Variants in CTH observed in about 807,000 individuals in gnomAD.
CTH encodes the protein cystathionase (cystathionine gamma-lyase).
A neutral mutation model predicts 50.6 loss-of-function variants in CTH; 41 were observed. The observed-to-expected ratio is 0.81, with a 90% CI of 0.63 to 1.05. CTH has a LOEUF of 1.05. CTH is among the 50% of genes least tolerant of loss of function. The pLI is 0.00. For synonymous variants in CTH, 156 were observed against 168.9 expected (o/e 0.92, Z 0.59); for missense variants, 470 against 492.6 (o/e 0.95, Z 0.43).
intron 1 of CTH, among the ~76,000 whole-genome samples, chr1:70,414,446 A>T (rs1214483216): frequency 6.6e-6 from 1 of 151,812 alleles, no homozygotes. Context: ...CGGGAGGTGG[A>T]GGTTGCGCCA....
chr1:70,438,996 T>G (rs1046187746), intron 11 of CTH, 105 bp from the exon 12 acceptor site: 8 of 1,533,332 alleles, frequency 5.2e-6, no homozygotes, highest in Admixed American at 1.7e-5. Context: ...TCAGTCAAAG[T>G]GCATATTTAA....
rs902137146 is a variant in CTH at position 70,429,921 on chromosome 1, CCTTTT to C, written c.646+75_646+79del. ...ATTGCATAGGGCTTGGCTTTTGATC[CCTTTT>C]CTTTGATTATTTTGTAGATTATTTC... On this transcript the variant is annotated intron_variant, in intron 6 of 11. Transcript: ENST00000370938. 8 of 1,089,472 alleles carry C rather than the reference CCTTTT, an allele frequency of 7.3e-6. No homozygotes were observed. In the African/African-American group the frequency reaches 9.3e-5, roughly 13 times the overall value. The allele number at this position is 1,089,472 out of a possible 1,614,324, so 67.5% of individuals were successfully genotyped here. A position where few individuals can be genotyped will look rare whatever the true frequency, so the allele number is the denominator to read the frequency against.
chr1:70,411,348 C>T lies in CTH; in HGVS notation c.-68C>T, dbSNP rs1227847992. ...CTGATCCTTCTGTCTCTCCCAACCC[C>T]GGACACCCGGCTTCGACTGGTTATA... On this transcript the variant is annotated 5_prime_UTR_variant, in exon 1 of 12. Transcript: ENST00000370938. 4 of 1,557,334 alleles carry T rather than the reference C, an allele frequency of 2.6e-6. No individual in the cohort carries two copies. Among genetic ancestry groups the T allele is most frequent in the Non-Finnish European group, 3.5e-6 (4 of 1,128,594 alleles).
intron 1 of CTH, among the ~76,000 whole-genome samples, chr1:70,415,060 GT>G (rs1684061249): frequency 6.6e-6 from 1 of 152,156 alleles, no homozygotes; most frequent in African/African-American, 2.4e-5. Context: ...GTGAATGAAT[GT>G]TGAGCATTGG....
intron 4 of CTH, among the ~76,000 whole-genome samples, chr1:70,422,804 GTT>G (rs1442833517): frequency 3.9e-5 from 6 of 152,018 alleles, no homozygotes; most frequent in African/African-American, 1.4e-4. Flanking sequence ...TAGAGATGGG[GTT>G]TCACCTTGTT....
chr1:70,427,634 T>A (rs1347187852), intron 5 of CTH, among the ~76,000 whole-genome samples: 4 of 152,106 alleles, frequency 2.6e-5, no homozygotes, highest in Non-Finnish European at 4.4e-5. Context: ...ACTAAACAGC[T>A]CTAATGAGGG....
rs1553128274 is a variant in CTH, at chr1:70,438,839, A to AC, written c.1191+13_1191+14insC. 2 of 1,316,716 alleles carry AC rather than the reference A, an allele frequency of 1.5e-6. No individual in the cohort carries two copies. The highest frequency in any genetic ancestry group is 2.1e-4 in the Middle Eastern group (1 of 4,786). 81.6% of individuals were successfully genotyped at this position (1,316,716 alleles called of 1,614,324 possible). Reference sequence around the variant, plus strand: ...TTTGAAGGCAGCAGTAAGTCTTATTATTGTGTGTGTGTGTGTGTGTGTGTG... The same window carrying AC: ...TTTGAAGGCAGCAGTAAGTCTTATTACTTGTGTGTGTGTGTGTGTGTGTGTG... On this transcript the variant is annotated intron_variant, in intron 11 of 11. Coordinates refer to ENST00000370938, the MANE Select transcript of CTH (RefSeq NM_001902.6).
At chr1:70,438,974 C>T (rs915802860) in intron 11 of CTH, 127 bp from the exon 12 acceptor site, 75 of 1,559,770 alleles carry the variant, frequency 4.8e-5, no homozygotes, top group African/African-American at 2.0e-4. Context: ...TATAAATAAA[C>T]GTATAGGGAG....
Position 70,424,325 on chromosome 1 carries a change from T to C in CTH, c.497T>C (p.Val166Ala), listed in dbSNP as rs763861112. ...ACCCCCACAAACCCCACCCAGAAGG[T>C]GATTGACATTGAAGGCTGTGCACAT... The part of the protein sequence containing the change: ...IETPTNPTQK[V>A]IDIEGCAHIV... The change falls in exon 5 of 12, where the codon GTG (valine) becomes GCG (alanine). Residue 166 changes from valine to alanine, a missense_variant. Coordinates refer to ENST00000370938, the MANE Select transcript of CTH (RefSeq NM_001902.6). 1 of 1,614,126 alleles carries C rather than the reference T, an allele frequency of 6.2e-7. No individual in the cohort carries two copies. The highest frequency in any genetic ancestry group is 1.1e-5 in the South Asian group (1 of 91,080).
intron 9 of CTH, 70 bp from the exon 10 acceptor site, chr1:70,435,055 A>G (rs1684568392): frequency 6.8e-7 from 1 of 1,461,586 alleles, no homozygotes; most frequent in African/African-American, 1.4e-5. Context: ...CTGGCCTAAA[A>G]ACATTTATTT....
chr1:70,425,965 C>T lies in CTH; in HGVS notation c.588+1549C>T, dbSNP rs74564069. The stretch of plus-strand genomic sequence containing the variant: ...AATCACCCTAATCACCTCCCAAAGG[C>T]CCACCTCCTAATCATACTAGTGATT... On this transcript the variant is annotated intron_variant, in intron 5 of 11. Transcript: ENST00000370938. Among the ~76,000 whole-genome samples the T allele has an allele frequency of 3.8e-3, 574 of 152,212 alleles. 4 individuals are homozygous for T. Among genetic ancestry groups the T allele is most frequent in the African/African-American group, 0.013 (554 of 41,532 alleles).
intron 10 of CTH, 92 bp downstream of exon 10, chr1:70,435,269 G>T (rs1684574094): frequency 8.4e-7 from 1 of 1,187,028 alleles, no homozygotes; most frequent in Non-Finnish European, 1.2e-6. Flanking sequence ...GATAATTCAA[G>T]ATATTTAACA....
At chr1:70,432,303 G>A in intron 8 of CTH, 68 bp downstream of exon 8, 2 of 1,575,636 alleles carry the variant, frequency 1.3e-6, no homozygotes, top group Non-Finnish European at 1.7e-6. Flanking sequence ...TCGTGTTTAT[G>A]TAACATTTAT....
chr1:70,416,644 A>T (rs990267383), intron 2 of CTH, among the ~76,000 whole-genome samples: 1 of 150,088 alleles, frequency 6.7e-6, no homozygotes, highest in Non-Finnish European at 1.5e-5. Flanking sequence ...GCTCACTGCA[A>T]CCTCCGCCTC....
intron 1 of CTH, among the ~76,000 whole-genome samples, chr1:70,413,269 T>A (rs1207603515): frequency 2.6e-5 from 4 of 151,058 alleles, no homozygotes; most frequent in South Asian, 2.1e-4. Flanking sequence ...CTTTTTTTTT[T>A]TTTTTTATTT....
intron 3 of CTH, among the ~76,000 whole-genome samples, chr1:70,419,909 T>A (rs1462940863): frequency 6.6e-6 from 1 of 152,154 alleles, no homozygotes; most frequent in Non-Finnish European, 1.5e-5. Flanking sequence ...TATCATTTTA[T>A]CTATTTCCTA....
At chr1:70,430,426 C>A (rs769220111) in intron 7 of CTH, 32 bp downstream of exon 7, 14 of 1,009,036 alleles carry the variant, frequency 1.4e-5, no homozygotes, top group Non-Finnish European at 2.2e-5. Context: ...TTCCCTATGA[C>A]ACTCTCAGTG....
chr1:70,436,478 C>A (rs576503775), intron 10 of CTH, among the ~76,000 whole-genome samples: 1 of 152,028 alleles, frequency 6.6e-6, no homozygotes, highest in Admixed American at 6.6e-5. Flanking sequence ...ACATCATAAC[C>A]TAACTATTTT....
chr1:70,426,845 A>T (rs1386521830), intron 5 of CTH, among the ~76,000 whole-genome samples: 2 of 152,176 alleles, frequency 1.3e-5, no homozygotes, highest in Non-Finnish European at 2.9e-5. Flanking sequence ...GCTTTAGCTG[A>T]GACACAGTGA....
Sources: allele counts gnomAD v4.1 joint callset (sites outside exome capture counted in the v4.1 genomes callset), GRCh38; gene constraint gnomAD v4.1.1; transcripts MANE v1.5; gene names NCBI Gene and HGNC (gene_info 2026-07-23, HGNC 2026-07-21).